Variants in PNPLA1 observed in about 807,000 individuals in gnomAD.
The protein encoded by PNPLA1 is omega-hydroxyceramide transacylase.
PNPLA1 carries 36 observed loss-of-function variants against 51.7 expected under a neutral mutation model. That is an observed-to-expected ratio of 0.70 (90% confidence interval 0.53 to 0.92). The LOEUF is 0.92. Among genes scored for constraint, PNPLA1 ranks in the 40% least tolerant of loss-of-function variants. The probability of loss-of-function intolerance (pLI) is 0.00; values close to 1 mark genes in which losing one functional copy is unlikely to be tolerated. For synonymous variants in PNPLA1, 293 were observed against 280.1 expected (o/e 1.05, Z -0.46); for missense variants, 658 against 682.5 (o/e 0.96, Z 0.40).
chr6:36,270,543 G>A lies in PNPLA1; in HGVS notation c.84G>A (p.Gln28=), dbSNP rs781366452. 6.4e-7 allele frequency: 1 copy of A among 1,551,650 alleles called. No homozygotes were observed. Residue 28 remains glutamine, a synonymous_variant, in exon 1 of 9, where the codon CAG becomes CAA. Transcript: ENST00000636260. ...GCAGTGGATTCCTCTCCTTCTACCAGGCGGGGGCTGTGGACGCCCTGCGGG... is the reference window on the plus strand; with the variant it reads ...GCAGTGGATTCCTCTCCTTCTACCAAGCGGGGGCTGTGGACGCCCTGCGGG... ...FSGSGFLSFY[Q]AGAVDALRDL...
intron 1 of PNPLA1, among the ~76,000 whole-genome samples, chr6:36,261,672 G>C (rs1049376679): frequency 4.6e-5 from 7 of 152,234 alleles, no homozygotes; most frequent in African/African-American, 1.7e-4. Flanking sequence ...TTAACACTTG[G>C]TAAGCACTTG....
chr6:36,270,541 C>T lies in PNPLA1; in HGVS notation c.82C>T (p.Gln28Ter). 1 of 1,551,642 alleles carries T rather than the reference C, an allele frequency of 6.4e-7. No homozygotes were observed. The highest frequency in any genetic ancestry group is 2.0e-5 in the Admixed American group (1 of 51,018). The change falls in exon 1 of 9, where the codon CAG becomes TAG. Residue 28 changes from glutamine to a stop codon, truncating the protein, a stop_gained. Coordinates refer to ENST00000636260, the MANE Select transcript of PNPLA1 (RefSeq NM_001374623.1). LOFTEE classifies it high-confidence loss of function. ...GGGCAGTGGATTCCTCTCCTTCTAC[C>T]AGGCGGGGGCTGTGGACGCCCTGCG... Reference protein sequence around the residue: ...FSGSGFLSFYQAGAVDALRDL... With the variant: ...FSGSGFLSFY
At chr6:36,262,068 G>T (rs1320056840) in intron 1 of PNPLA1, among the ~76,000 whole-genome samples, 1 of 152,184 alleles carries the variant, frequency 6.6e-6, no homozygotes, top group African/African-American at 2.4e-5. Context: ...TTCTCCACTG[G>T]GGAGGGGGTG....
rs1771431465 is a variant in PNPLA1 at position 36,312,622 on chromosome 6, A to C, written c.*736A>C. On this transcript the variant is annotated 3_prime_UTR_variant, in exon 9 of 9. Transcript: ENST00000636260. Reference sequence around the variant, plus strand: ...AGAGAACCTGAGGACCCTGAGGCCAAGCCTGCTTCTCACTGCTGTCCGGCA... The same window carrying C: ...AGAGAACCTGAGGACCCTGAGGCCACGCCTGCTTCTCACTGCTGTCCGGCA... Among the ~76,000 whole-genome samples, 1 of 152,206 alleles carries C rather than the reference A, an allele frequency of 6.6e-6. No individual in the cohort carries two copies. Among genetic ancestry groups the C allele is most frequent in the South Asian group, 2.1e-4 (1 of 4,834 alleles).
intron 1 of PNPLA1, among the ~76,000 whole-genome samples, chr6:36,258,317 G>A (rs1303082130): frequency 6.6e-6 from 1 of 152,124 alleles, no homozygotes; most frequent in East Asian, 1.9e-4. Flanking sequence ...TCTGTCCTCT[G>A]GTTTTTCACG....
At chr6:36,266,412 G>A (rs941596413), upstream of PNPLA1, among the ~76,000 whole-genome samples, 2 of 152,178 alleles carry the variant, frequency 1.3e-5, no homozygotes, top group Non-Finnish European at 2.9e-5. Flanking sequence ...TCATAGATCC[G>A]CACACCATAT....
chr6:36,306,505 T>G, intron 7 of PNPLA1, 129 bp downstream of exon 7: 1 of 789,582 alleles, frequency 1.3e-6, no homozygotes, highest in Non-Finnish European at 2.0e-6. Context: ...TGTGATTGTG[T>G]GATTCCAGGT....
At chr6:36,261,879 C>T (rs369766562) in intron 1 of PNPLA1, among the ~76,000 whole-genome samples, 36 of 152,310 alleles carry the variant, frequency 2.4e-4, no homozygotes, top group Admixed American at 1.2e-3. Flanking sequence ...TTAACCCTGG[C>T]GGCACATCTT....
At chr6:36,281,478 C>T (rs1770280593) in intron 1 of PNPLA1, among the ~76,000 whole-genome samples, 1 of 152,208 alleles carries the variant, frequency 6.6e-6, no homozygotes. Flanking sequence ...GCATCATTTA[C>T]TCTAATCCCC....
intron 1 of PNPLA1, among the ~76,000 whole-genome samples, chr6:36,246,298 A>G (rs560813491): frequency 6.6e-6 from 1 of 152,008 alleles, no homozygotes; most frequent in East Asian, 1.9e-4. Context: ...TCCACCTCCC[A>G]GGTTCAAATG....
upstream of PNPLA1, among the ~76,000 whole-genome samples, chr6:36,266,145 G>A (rs895143332): frequency 2.6e-5 from 4 of 152,198 alleles, no homozygotes; most frequent in African/African-American, 4.8e-5. Context: ...GGGTGAGTTT[G>A]GAAGTGGGTT....
At chr6:36,265,038 G>A (rs1289749199) in intron 1 of PNPLA1, among the ~76,000 whole-genome samples, 2 of 152,176 alleles carry the variant, frequency 1.3e-5, no homozygotes, top group Non-Finnish European at 1.5e-5. Flanking sequence ...TACAGTGGAG[G>A]GCTGTTTAAT....
upstream of PNPLA1, among the ~76,000 whole-genome samples, chr6:36,265,230 ACT>A (rs1769736071): frequency 6.6e-6 from 1 of 152,222 alleles, no homozygotes; most frequent in Admixed American, 6.5e-5. Flanking sequence ...AATCCCAGCT[ACT>A]TGGGAGGCTG....
Position 36,293,076 on chromosome 6 carries a change from T to G in PNPLA1, c.454T>G (p.Cys152Gly), listed in dbSNP as rs774930123. 8 of 1,614,062 alleles carry G rather than the reference T, an allele frequency of 5.0e-6. No individual in the cohort carries two copies. In the Admixed American group the frequency reaches 5.0e-5, roughly 10 times the overall value. The part of the protein sequence containing the change: ...EELIEALYCS[C>G]FVPVYCGLIP... ...CTCCGCACAGGCCCTATACTGCAGC[T>G]GCTTCGTCCCGGTGTACTGTGGCCT... Residue 152 changes from cysteine (C) to glycine (G), a missense_variant, in exon 3 of 9, where the codon TGC becomes GGC. Transcript: ENST00000636260.
intron 5 of PNPLA1, among the ~76,000 whole-genome samples, chr6:36,297,691 G>T (rs55872771): frequency 6.6e-6 from 1 of 152,038 alleles, no homozygotes; most frequent in Non-Finnish European, 1.5e-5. Flanking sequence ...TTGAAAATCC[G>T]CATTCCCCAC....
chr6:36,278,843 A>G (rs1395560105), intron 1 of PNPLA1, among the ~76,000 whole-genome samples: 1 of 152,222 alleles, frequency 6.6e-6, no homozygotes, highest in African/African-American at 2.4e-5. Context: ...CAGTGAGCAA[A>G]GCAGTGGATG....
intron 1 of PNPLA1, among the ~76,000 whole-genome samples, chr6:36,281,743 G>A (rs1208988457): frequency 6.6e-6 from 1 of 152,070 alleles, no homozygotes; most frequent in Admixed American, 6.6e-5. Flanking sequence ...GATCTGGCCG[G>A]GTGCAGTGGC....
At chr6:36,286,855 T>C (rs1582070827) in intron 1 of PNPLA1, among the ~76,000 whole-genome samples, 1 of 151,940 alleles carries the variant, frequency 6.6e-6, no homozygotes, top group East Asian at 1.9e-4. Flanking sequence ...ATTTAAATTT[T>C]TTTTTTTTTT....
intron 1 of PNPLA1, among the ~76,000 whole-genome samples, chr6:36,279,616 C>T (rs1009396711): frequency 1.3e-5 from 2 of 152,194 alleles, no homozygotes; most frequent in Admixed American, 6.5e-5. Flanking sequence ...TCCAACTCTG[C>T]CCCCAAGTTC....
Sources: allele counts gnomAD v4.1 joint callset (sites outside exome capture counted in the v4.1 genomes callset), GRCh38; gene constraint gnomAD v4.1.1; transcripts MANE v1.5; gene names NCBI Gene and HGNC (gene_info 2026-07-23, HGNC 2026-07-21).